SLC9A6: variants seen among roughly 807,000 people sequenced by gnomAD.
SLC9A6 encodes the protein sodium/hydrogen exchanger 6.
Under a neutral mutation model 45.3 loss-of-function variants are expected in SLC9A6, and 6 were observed. The observed-to-expected ratio is 0.13, with a 90% CI of 0.07 to 0.26. The LOEUF is 0.26. Ranked by LOEUF, SLC9A6 falls within the 10% of genes least tolerant of loss-of-function variation. SLC9A6 has a pLI of 1.00. For synonymous variants in SLC9A6, 191 were observed against 187.7 expected (o/e 1.02, Z -0.14); for missense variants, 278 against 503.7 (o/e 0.55, Z 4.29).
At chrX:136,004,701 AC>A (rs1452269589) in intron 7 of SLC9A6, among the ~76,000 whole-genome samples, 2 of 110,939 alleles carry the variant, frequency 1.8e-5, no homozygotes, top group Admixed American at 9.6e-5. Flanking sequence ...TGTAAATATT[AC>A]CCCCTCCCCA....
chrX:136,002,320 A>G lies in SLC9A6; in HGVS notation c.743+107A>G, dbSNP rs2089594707. 3 of 593,087 alleles carry G rather than the reference A, an allele frequency of 5.1e-6. No individual in the cohort carries two copies. The East Asian group carries it at 1.0e-4, about 20-fold the overall frequency. The allele number at this position is 593,087 out of a possible 1,213,427, so 48.9% of individuals were successfully genotyped here. ...CATTATGAATGGAAACATTTGGAAGAATGAGGCATTTTTTTCCCTCTTGAA... is the reference window on the plus strand; with the variant it reads ...CATTATGAATGGAAACATTTGGAAGGATGAGGCATTTTTTTCCCTCTTGAA... On this transcript the variant is annotated intron_variant, in intron 7 of 17. Transcript: ENST00000630721.
intron 16 of SLC9A6, among the ~76,000 whole-genome samples, chrX:136,036,176 G>A (rs1370609225): frequency 1.8e-5 from 2 of 111,605 alleles, no homozygotes; most frequent in Non-Finnish European, 3.8e-5. Flanking sequence ...AGCAAATTAA[G>A]GGAGTTCTAT....
intron 2 of SLC9A6, among the ~76,000 whole-genome samples, chrX:135,994,306 A>G (rs185697868): frequency 3.6e-5 from 4 of 109,756 alleles, no homozygotes; most frequent in Non-Finnish European, 7.6e-5. Flanking sequence ...GGTTTCACCA[A>G]GTTTCCCAGG....
At chrX:136,001,294 G>A (rs1208796593) in intron 6 of SLC9A6, among the ~76,000 whole-genome samples, 4 of 91,366 alleles carry the variant, frequency 4.4e-5, no homozygotes, top group Non-Finnish European at 6.1e-5. Context: ...CCGAGATTGC[G>A]CCACTGCACT....
At chrX:136,035,699 G>A (rs1156950764) in intron 16 of SLC9A6, among the ~76,000 whole-genome samples, 1 of 111,464 alleles carries the variant, frequency 9.0e-6, no homozygotes, top group Non-Finnish European at 1.9e-5. Flanking sequence ...ACCAAGGAGT[G>A]CAAAGAGTGG....
chrX:136,008,181 G>T (rs1398791680), intron 7 of SLC9A6, among the ~76,000 whole-genome samples: 5 of 111,955 alleles, frequency 4.5e-5, no homozygotes, highest in African/African-American at 1.6e-4. Context: ...AATAAATTGT[G>T]CTGTATCCAT....
At chrX:136,029,708 CCT>C (rs1161221041) in intron 14 of SLC9A6, 1 of 150,725 alleles carries the variant, frequency 6.6e-6, no homozygotes, top group Non-Finnish European at 1.3e-5. Context: ...GTAATTGGGC[CCT>C]CTCTTCAGTC....
At chrX:136,002,277 C>A in intron 7 of SLC9A6, 64 bp downstream of exon 7, 3 of 762,638 alleles carry the variant, frequency 3.9e-6, no homozygotes, top group South Asian at 2.1e-5. Flanking sequence ...AACTGAAAGT[C>A]ACTTATTGAA....
upstream of SLC9A6, chrX:135,985,406 G>A: frequency 1.8e-6 from 1 of 550,511 alleles, no homozygotes. Context: ...CGCTCCGACG[G>A]CTACCCCCGG....
intron 16 of SLC9A6, among the ~76,000 whole-genome samples, chrX:136,035,013 A>G (rs782772061): frequency 9.0e-6 from 1 of 111,564 alleles, no homozygotes; most frequent in East Asian, 2.8e-4. Flanking sequence ...AATGATCCTA[A>G]TGTTGAGAAA....
In SLC9A6 at chrX:136,030,362, G is replaced by T. The variant is rs191858285; in HGVS notation, c.1581+200G>T. The T allele has an allele frequency of 8.6e-4, 382 of 445,910 alleles. No homozygotes were observed. The East Asian group carries it at 0.014, about 17-fold the overall frequency. 36.7% of individuals were successfully genotyped at this position (445,910 alleles called of 1,213,427 possible). ...GTTTGCCACAGTGCCATAGTGTGTG[G>T]TTATCAAGGGTGACAGCTTTCATGT... is the stretch of plus-strand genomic sequence containing the variant. On this transcript the variant is annotated intron_variant, in intron 15 of 17. Coordinates refer to ENST00000630721, the MANE Select transcript of SLC9A6 (RefSeq NM_001379110.1).
rs782008780 is a variant in SLC9A6, at chrX:136,008,429, C to CG, written c.744-2011dup. ...TTTGTATTTTTATTTTTAGTAGAGACGGAGTTTCTCCATGTTGGTCAGGCT... is the reference window on the plus strand; with the variant it reads ...TTTGTATTTTTATTTTTAGTAGAGACGGGAGTTTCTCCATGTTGGTCAGGCT... On this transcript the variant is annotated intron_variant, in intron 7 of 17. Transcript: ENST00000630721. Among the ~76,000 whole-genome samples, 81 of 111,448 alleles carry CG rather than the reference C, an allele frequency of 7.3e-4. 1 individual carries two copies. The highest frequency in any genetic ancestry group is 1.3e-3 in the Non-Finnish European group (67 of 53,113).
chrX:135,982,049 C>T (rs1174782089), upstream of SLC9A6, among the ~76,000 whole-genome samples: 1 of 112,279 alleles, frequency 8.9e-6, no homozygotes, highest in Non-Finnish European at 1.9e-5. Flanking sequence ...ATATCACTTT[C>T]ACATGTCACA....
intron 2 of SLC9A6, among the ~76,000 whole-genome samples, chrX:135,986,403 A>G (rs2089341189): frequency 9.0e-6 from 1 of 110,574 alleles, no homozygotes; most frequent in Non-Finnish European, 1.9e-5. Flanking sequence ...GAAATAGGCT[A>G]CAGAAGGCTT....
At chrX:136,002,470 A>G (rs189375248) in intron 7 of SLC9A6, among the ~76,000 whole-genome samples, 276 of 112,205 alleles carry the variant, frequency 2.5e-3, no homozygotes, top group Non-Finnish European at 3.5e-3. Context: ...ATATTGTTAC[A>G]TAGTTGTGAT....
chrX:136,011,228 T>C (rs1473877048), intron 8 of SLC9A6, among the ~76,000 whole-genome samples: 1 of 112,062 alleles, frequency 8.9e-6, no homozygotes, highest in East Asian at 2.8e-4. Context: ...TAAAAACAAA[T>C]TTTATTTTTA....
intron 3 of SLC9A6, among the ~76,000 whole-genome samples, chrX:135,996,139 C>T (rs2089494042): frequency 9.6e-6 from 1 of 103,750 alleles, no homozygotes; most frequent in African/African-American, 3.6e-5. Context: ...TCAGGTGACT[C>T]TCCAACCTCA....
At chrX:136,010,343 T>C (rs782092961) in intron 7 of SLC9A6, 99 bp from the exon 8 acceptor site, 1 of 978,274 alleles carries the variant, frequency 1.0e-6, no homozygotes, top group East Asian at 3.1e-5. Context: ...AGCTTGTTTT[T>C]CTTCTCCCTC....
intron 8 of SLC9A6, among the ~76,000 whole-genome samples, chrX:136,012,621 GATTA>G: frequency 8.9e-6 from 1 of 112,554 alleles, no homozygotes; most frequent in African/African-American, 3.2e-5. Flanking sequence ...TTGGGTCTCA[GATTA>G]ATAGAGGTGG....
Sources: gnomAD v4.1 joint callset for allele counts (sites outside exome capture counted in the v4.1 genomes callset) on GRCh38, gnomAD v4.1.1 for gene constraint, MANE v1.5 for transcripts, NCBI Gene and HGNC (gene_info 2026-07-23, HGNC 2026-07-21) for gene names.